The following COL5A1 variants were observed in gnomAD, a reference collection of about 807,000 sequenced individuals.
COL5A1 encodes collagen alpha-1(V) chain.
In COL5A1, 16 loss-of-function variants were observed where a neutral mutation model predicts 263.7. The observed-to-expected ratio is 0.06, with a 90% confidence interval of 0.04 to 0.09. The LOEUF is 0.09. Among genes scored for constraint, COL5A1 ranks in the 10% least tolerant of loss-of-function variants. COL5A1 has a pLI of 1.00. For synonymous variants in COL5A1, 1,012 were observed against 1,004.5 expected (o/e 1.01, Z -0.14); for missense variants, 2,036 against 2,540.5 (o/e 0.80, Z 4.27).
At chr9:134,689,317 G>A (rs1334526794) in intron 1 of COL5A1, among the ~76,000 whole-genome samples, 2 of 152,206 alleles carry the variant, frequency 1.3e-5, no homozygotes, top group African/African-American at 4.8e-5. Context: ...TGAGCCCGTC[G>A]CAGGCTGATC....
chr9:134,666,726 C>G (rs982895765), intron 1 of COL5A1, among the ~76,000 whole-genome samples: 4 of 152,174 alleles, frequency 2.6e-5, no homozygotes, highest in Non-Finnish European at 4.4e-5. Context: ...CATCGTGACC[C>G]TTTTCTTCTG....
chr9:134,655,133 T>G (rs2132484446), intron 1 of COL5A1, among the ~76,000 whole-genome samples: 1 of 146,824 alleles, frequency 6.8e-6, no homozygotes, highest in African/African-American at 2.5e-5. Flanking sequence ...GGCTGGTGTG[T>G]GTAGGGCTGG....
chr9:134,767,389 C>G (rs749568582), intron 24 of COL5A1, 35 bp downstream of exon 24: 1 of 1,601,038 alleles, frequency 6.2e-7, no homozygotes, highest in South Asian at 1.1e-5. Flanking sequence ...AGGCCACTGC[C>G]CGCCTGCAGG....
rs1835304818 is a variant in COL5A1 at position 134,741,577 on chromosome 9, C to A, written c.1494+2769C>A. ...CCTCCCTCTCAGGTGATAAGGGGCG[C>A]TCTCCAAATCCTGGTACAGAAGCAG... On this transcript the variant is annotated intron_variant, in intron 11 of 65. Coordinates refer to ENST00000371817, the MANE Select transcript of COL5A1 (RefSeq NM_000093.5). This position sits in a 1 kb window ranked among gnomAD's most constrained non-coding sequence, Gnocchi z 4.5. Among the ~76,000 whole-genome samples, 1 of 151,782 alleles carries A rather than the reference C, an allele frequency of 6.6e-6. No homozygotes were observed. The highest frequency in any genetic ancestry group is 1.5e-5 in the Non-Finnish European group (1 of 67,998).
At chr9:134,740,820 T>A (rs1264450884) in intron 11 of COL5A1, among the ~76,000 whole-genome samples, 1 of 152,148 alleles carries the variant, frequency 6.6e-6, no homozygotes, top group Non-Finnish European at 1.5e-5. Context: ...GGGCCCTGAC[T>A]GGAGAATATC....
Position 134,842,569 on chromosome 9 carries a change from A to T in COL5A1, c.*266A>T. 3.5e-6 allele frequency: 2 copies of T among 565,304 alleles called. No homozygotes were observed. Among genetic ancestry groups the T allele is most frequent in the South Asian group, 2.1e-5 (1 of 47,100 alleles). The allele number at this position is 565,304 out of a possible 1,614,324, so 35.0% of individuals were successfully genotyped here. A position where few individuals can be genotyped will look rare whatever the true frequency, so the allele number is the denominator to read the frequency against. Reference sequence around the variant, plus strand: ...CCCGCCCCACGCTCTGTCCACACCCACGCGCCCCGGGAGCGGGGCCATGCC... The same window carrying T: ...CCCGCCCCACGCTCTGTCCACACCCTCGCGCCCCGGGAGCGGGGCCATGCC... On this transcript the variant is annotated 3_prime_UTR_variant, in exon 66 of 66. Coordinates refer to ENST00000371817, the MANE Select transcript of COL5A1 (RefSeq NM_000093.5). The surrounding 1 kb of genome is among the most constrained non-coding windows in gnomAD (Gnocchi z 5.8).
chr9:134,710,234 G>A (rs537629840), intron 4 of COL5A1, among the ~76,000 whole-genome samples: 92 of 152,356 alleles, frequency 6.0e-4, no homozygotes, highest in African/African-American at 2.0e-3. Flanking sequence ...TGGCAGGTGC[G>A]CCGCTGTGTG....
intron 4 of COL5A1, among the ~76,000 whole-genome samples, chr9:134,719,463 GCCAACC>G (rs1224868584): frequency 6.6e-6 from 1 of 152,254 alleles, no homozygotes; most frequent in Non-Finnish European, 1.5e-5. Context: ...CAACACACCA[GCCAACC>G]CCAGATCCTG....
chr9:134,685,277 TCCATCCATCCATCCA>T (rs1187723082), intron 1 of COL5A1, among the ~76,000 whole-genome samples: 25 of 147,578 alleles, frequency 1.7e-4, no homozygotes, highest in African/African-American at 4.6e-4. Flanking sequence ...AAGTCATCCA[TCCATCCATCCATCCA>T]CCATCCATCC....
intron 11 of COL5A1, 50 bp downstream of exon 11, chr9:134,738,858 C>T: frequency 6.8e-7 from 1 of 1,464,140 alleles, no homozygotes; most frequent in South Asian, 1.1e-5. Flanking sequence ...TGGGGCTGCC[C>T]ACGCCTCCTC....
At chr9:134,820,858 CTG>C (rs1380280817) in intron 58 of COL5A1, among the ~76,000 whole-genome samples, 4 of 152,138 alleles carry the variant, frequency 2.6e-5, no homozygotes, top group African/African-American at 9.7e-5. Context: ...GTCCTTATTC[CTG>C]TGTGGGAATC....
intron 18 of COL5A1, among the ~76,000 whole-genome samples, chr9:134,759,320 A>G (rs1836129927): frequency 1.4e-5 from 2 of 139,952 alleles, no homozygotes; most frequent in Non-Finnish European, 3.0e-5. Flanking sequence ...CCACACTCAT[A>G]CACACATGCA....
intron 2 of COL5A1, 34 bp from the exon 3 acceptor site, chr9:134,699,875 C>G: frequency 6.2e-7 from 1 of 1,606,958 alleles, no homozygotes; most frequent in Non-Finnish European, 8.5e-7. Context: ...CAGGGGCTCC[C>G]CGACTGCCTT....
At chr9:134,806,071 G>T in intron 41 of COL5A1, 118 bp from the exon 42 acceptor site, 1 of 766,796 alleles carries the variant, frequency 1.3e-6, no homozygotes, top group Non-Finnish European at 2.3e-6. Context: ...GGGCCATAGG[G>T]AGCCACTGTG....
intron 30 of COL5A1, among the ~76,000 whole-genome samples, chr9:134,785,347 C>T (rs960603322): frequency 2.0e-5 from 3 of 152,342 alleles, no homozygotes; most frequent in South Asian, 4.1e-4. Flanking sequence ...TCCTTCCTCC[C>T]GGTGGCTACA....
chr9:134,738,543 T>C (rs779141862), intron 10 of COL5A1, 28 bp downstream of exon 10: 3 of 1,613,952 alleles, frequency 1.9e-6, no homozygotes, highest in South Asian at 2.2e-5. Context: ...TCCTGTGACT[T>C]GCAGAAGGTG....
intron 4 of COL5A1, chr9:134,708,875 G>C: frequency 2.2e-6 from 1 of 456,612 alleles, no homozygotes; most frequent in African/African-American, 2.0e-5. Context: ...GGGGGACTCT[G>C]CCTGCCGCTT....
intron 53 of COL5A1, 38 bp downstream of exon 53, chr9:134,817,117 C>A: frequency 6.3e-7 from 1 of 1,584,048 alleles, no homozygotes; most frequent in Non-Finnish European, 8.7e-7. Context: ...CTGTCAAATC[C>A]CTGCATGAAA....
At chr9:134,781,038 T>C (rs942371528) in intron 28 of COL5A1, among the ~76,000 whole-genome samples, 1 of 152,260 alleles carries the variant, frequency 6.6e-6, no homozygotes, top group Admixed American at 6.5e-5. Flanking sequence ...GTGCGGGTGC[T>C]GGCGTGATGG....
Sources: gnomAD v4.1 joint callset for allele counts (sites outside exome capture counted in the v4.1 genomes callset) on GRCh38, gnomAD v4.1.1 for gene constraint, Gnocchi (gnomAD v3.1) non-coding constraint, MANE v1.5 for transcripts, NCBI Gene and HGNC (gene_info 2026-07-23, HGNC 2026-07-21) for gene names.